Variants in ATF2 observed in about 807,000 individuals in gnomAD.
ATF2 encodes the protein activating transcription factor 2, also known as cyclic AMP-dependent transcription factor ATF-2.
A neutral mutation model predicts 60.6 loss-of-function variants in ATF2; 24 were observed. The ratio of observed to expected loss-of-function variants is 0.40; its 90% confidence interval spans 0.29 to 0.56. ATF2 has a LOEUF of 0.56. Ranked by LOEUF, ATF2 falls within the 20% of genes least tolerant of loss-of-function variation. The pLI is 0.54. For missense variants in ATF2, 433 were observed against 607.7 expected (o/e 0.71, Z 3.02); for synonymous variants, 206 against 215.4 (o/e 0.96, Z 0.38).
chr2:175,134,648 T>C (rs549196450), intron 3 of ATF2, among the ~76,000 whole-genome samples: 2 of 152,176 alleles, frequency 1.3e-5, no homozygotes, highest in South Asian at 4.1e-4. Flanking sequence ...GAAAAGTCTT[T>C]TATAGAATTT....
At chr2:175,155,565 G>A (rs1699617516) in intron 1 of ATF2, among the ~76,000 whole-genome samples, 1 of 152,096 alleles carries the variant, frequency 6.6e-6, no homozygotes, top group African/African-American at 2.4e-5. Flanking sequence ...TGTCCAGAGA[G>A]GGAGTTCCGC....
chr2:175,149,743 T>A (rs971044409), intron 2 of ATF2, among the ~76,000 whole-genome samples: 1 of 152,160 alleles, frequency 6.6e-6, no homozygotes, highest in Non-Finnish European at 1.5e-5. Flanking sequence ...GACCACTACC[T>A]CCTAACCAGT....
intron 12 of ATF2, among the ~76,000 whole-genome samples, chr2:175,084,010 T>C (rs868359881): frequency 1.3e-5 from 2 of 152,104 alleles, no homozygotes; most frequent in Non-Finnish European, 2.9e-5. Context: ...CTGGAGAGGA[T>C]ATGGAGAAAT....
At chr2:175,141,344 C>CT (rs1698520835) in intron 2 of ATF2, among the ~76,000 whole-genome samples, 1 of 151,910 alleles carries the variant, frequency 6.6e-6, no homozygotes, top group South Asian at 2.1e-4. Context: ...AACTTTCTCT[C>CT]TGTCTCCTAC....
chr2:175,078,436 T>C (rs1375042250), intron 13 of ATF2, among the ~76,000 whole-genome samples: 1 of 152,214 alleles, frequency 6.6e-6, no homozygotes, highest in Admixed American at 6.5e-5. Context: ...TTATTTTTCA[T>C]GGAACCCAAA....
chr2:175,133,431 T>C (rs1401054166), intron 3 of ATF2, among the ~76,000 whole-genome samples: 2 of 152,212 alleles, frequency 1.3e-5, no homozygotes, highest in Admixed American at 6.5e-5. Flanking sequence ...AGAAATTTTA[T>C]ATAGCAAGAG....
chr2:175,157,345 C>G (rs1406364476), intron 1 of ATF2, among the ~76,000 whole-genome samples: 1 of 151,950 alleles, frequency 6.6e-6, no homozygotes, highest in African/African-American at 2.4e-5. Flanking sequence ...TGTATCTATG[C>G]AGTCTATCTA....
At chr2:175,128,365 T>C (rs1457258743) in intron 4 of ATF2, among the ~76,000 whole-genome samples, 1 of 152,096 alleles carries the variant, frequency 6.6e-6, no homozygotes, top group East Asian at 1.9e-4. Flanking sequence ...CCAGGTGTGG[T>C]GGCGCATGCC....
At chr2:175,105,553 T>C (rs1695598091) in intron 10 of ATF2, among the ~76,000 whole-genome samples, 1 of 152,162 alleles carries the variant, frequency 6.6e-6, no homozygotes, top group Non-Finnish European at 1.5e-5. Flanking sequence ...TTGATAGAAA[T>C]AGCTGTTAAA....
intron 10 of ATF2, among the ~76,000 whole-genome samples, chr2:175,107,509 A>G (rs903626343): frequency 6.6e-6 from 1 of 150,954 alleles, no homozygotes; most frequent in Admixed American, 6.6e-5. Flanking sequence ...TCCTCATAGA[A>G]GTACGTTTTG....
chr2:175,118,469 T>C lies in ATF2; in HGVS notation c.200-100A>G, dbSNP rs1696733607. ...AAATTAGCAGGACTGGTTCAGTCAG[T>C]TGTTAATTCTCTCTTTGGAAAGACC... On this transcript the variant is annotated intron_variant, in intron 5 of 13. Transcript: ENST00000264110. 9.3e-6 allele frequency: 9 copies of C among 971,366 alleles called. No individual in the cohort carries two copies. The East Asian group carries it at 1.4e-4, about 15-fold the overall frequency. 60.2% of individuals were successfully genotyped at this position (971,366 alleles called of 1,614,324 possible). A position where few individuals can be genotyped will look rare whatever the true frequency, so the allele number is the denominator to read the frequency against.
At chr2:175,077,875 T>G (rs1191589567) in intron 13 of ATF2, among the ~76,000 whole-genome samples, 1 of 152,126 alleles carries the variant, frequency 6.6e-6, no homozygotes, top group Non-Finnish European at 1.5e-5. Flanking sequence ...AAAACCATGC[T>G]GTACTCAAAG....
At chr2:175,106,861 T>G (rs185179252) in intron 10 of ATF2, among the ~76,000 whole-genome samples, 73 of 152,022 alleles carry the variant, frequency 4.8e-4, no homozygotes, top group African/African-American at 1.7e-3. Context: ...AAAATAATTA[T>G]GCAATAATAA....
chr2:175,097,704 G>T, intron 10 of ATF2, 111 bp from the exon 11 acceptor site: 1 of 1,131,424 alleles, frequency 8.8e-7, no homozygotes, highest in South Asian at 1.4e-5. Context: ...CTTTTGCCTA[G>T]TACTACTAGA....
intron 4 of ATF2, chr2:175,126,692 A>G (rs1284887246): frequency 6.6e-6 from 1 of 152,214 alleles, no homozygotes; most frequent in African/African-American, 2.4e-5. Context: ...TAAGAATTCA[A>G]TCACAAAACC....
At chr2:175,094,922 A>G (rs112199522) in intron 11 of ATF2, among the ~76,000 whole-genome samples, 2 of 152,268 alleles carry the variant, frequency 1.3e-5, no homozygotes, top group Admixed American at 6.5e-5. Flanking sequence ...CGCATGGGCA[A>G]CAGAGGAAGA....
chr2:175,134,901 G>A (rs1698026341), intron 3 of ATF2, among the ~76,000 whole-genome samples: 3 of 151,632 alleles, frequency 2.0e-5, no homozygotes, highest in Admixed American at 2.0e-4. Context: ...CTACTCTGGA[G>A]GCTGAGGCAG....
intron 4 of ATF2, among the ~76,000 whole-genome samples, chr2:175,125,015 T>C (rs1697231215): frequency 6.6e-6 from 1 of 152,064 alleles, no homozygotes; most frequent in African/African-American, 2.4e-5. Context: ...AAACTCTTTG[T>C]AATCATTTCT....
intron 1 of ATF2, among the ~76,000 whole-genome samples, chr2:175,164,128 G>C (rs995869810): frequency 6.7e-6 from 1 of 148,950 alleles, no homozygotes; most frequent in African/African-American, 2.4e-5. Flanking sequence ...GAATACACCA[G>C]TTTCAAGGTT....
Sources: allele counts gnomAD v4.1 joint callset (sites outside exome capture counted in the v4.1 genomes callset), GRCh38; gene constraint gnomAD v4.1.1; transcripts MANE v1.5; gene names NCBI Gene and HGNC (gene_info 2026-07-23, HGNC 2026-07-21).